The following GALNTL6 variants were observed in gnomAD, a reference collection of about 807,000 sequenced individuals.
GALNTL6 encodes polypeptide N-acetylgalactosaminyltransferase-like 6.
GALNTL6 carries 46 observed loss-of-function variants against 73.7 expected under a neutral mutation model. That is an observed-to-expected ratio of 0.62 (90% confidence interval 0.49 to 0.80). GALNTL6 has a LOEUF of 0.80. GALNTL6 is among the 30% of genes least tolerant of loss of function. The pLI, the probability that GALNTL6 is intolerant of heterozygous loss-of-function variation, is 0.00. For synonymous variants in GALNTL6, 259 were observed against 263.7 expected (o/e 0.98, Z 0.17); for missense variants, 604 against 755.0 (o/e 0.80, Z 2.34).
chr4:172,411,489 A>T lies in GALNTL6; in HGVS notation c.553+62800A>T, dbSNP rs150174456. On this transcript the variant is annotated intron_variant, in intron 5 of 12. Coordinates refer to ENST00000506823, the MANE Select transcript of GALNTL6 (RefSeq NM_001034845.3). Reference sequence around the variant, plus strand: ...TCCTTGAGTAATGATAATTGTGACTAAGTTTCCCACCTGAAAGAGGCTTTC... The same window carrying T: ...TCCTTGAGTAATGATAATTGTGACTTAGTTTCCCACCTGAAAGAGGCTTTC... Among the ~76,000 whole-genome samples the T allele has an allele frequency of 7.8e-4, 118 of 152,238 alleles. 1 individual carries two copies. In the South Asian group the frequency reaches 0.016, roughly 21 times the overall value.
intron 2 of GALNTL6, among the ~76,000 whole-genome samples, chr4:172,148,852 C>G (rs1733992600): frequency 6.6e-6 from 1 of 152,204 alleles, no homozygotes; most frequent in Non-Finnish European, 1.5e-5. Context: ...TTTAGAATTA[C>G]TTTACATAGT....
chr4:172,512,930 G>A (rs1198123475), intron 5 of GALNTL6, among the ~76,000 whole-genome samples: 3 of 151,992 alleles, frequency 2.0e-5, no homozygotes, highest in Admixed American at 6.6e-5. Flanking sequence ...TATTTGTCTA[G>A]TTGGTTATCT....
intron 10 of GALNTL6, among the ~76,000 whole-genome samples, chr4:172,967,252 A>G (rs753175188): frequency 6.6e-6 from 1 of 152,178 alleles, no homozygotes; most frequent in South Asian, 2.1e-4. Context: ...TAGAGCTTGC[A>G]TGGCTCTTTG....
chr4:171,851,845 G>C (rs76168827), intron 2 of GALNTL6, among the ~76,000 whole-genome samples: 3,797 of 152,222 alleles, frequency 0.025, 146 homozygotes, highest in East Asian at 0.11. Flanking sequence ...TTTCAAAAGA[G>C]CTTACTGCCA....
chr4:172,453,480 T>C, intron 5 of GALNTL6, among the ~76,000 whole-genome samples: 1 of 152,146 alleles, frequency 6.6e-6, no homozygotes, highest in Non-Finnish European at 1.5e-5. Flanking sequence ...TTACTTAGAG[T>C]TGCTACTAAT....
At chr4:171,904,605 C>A (rs1385867039) in intron 2 of GALNTL6, among the ~76,000 whole-genome samples, 8 of 152,196 alleles carry the variant, frequency 5.3e-5, no homozygotes, top group African/African-American at 1.7e-4. Flanking sequence ...CCCAATCTAG[C>A]AAGGCAGGCC....
intron 3 of GALNTL6, among the ~76,000 whole-genome samples, chr4:172,233,900 G>A (rs1410127955): frequency 2.0e-5 from 3 of 151,640 alleles, no homozygotes; most frequent in Non-Finnish European, 2.9e-5. Flanking sequence ...TCTATTCTAT[G>A]GTACATTATT....
In GALNTL6 at chr4:172,873,657, C is replaced by T. The variant is rs571665278; in HGVS notation, c.924-9133C>T. ...GAAACTTCTTTGTGGATAGGCTTGACCTAGAGGGGCAAATAAGGTGATGCT... is the reference window on the plus strand; with the variant it reads ...GAAACTTCTTTGTGGATAGGCTTGATCTAGAGGGGCAAATAAGGTGATGCT... On this transcript the variant is annotated intron_variant, in intron 7 of 12. Transcript: ENST00000506823. Among the ~76,000 whole-genome samples, 3 of 152,300 alleles carry T rather than the reference C, an allele frequency of 2.0e-5. No homozygotes were observed. In the South Asian group the frequency reaches 6.2e-4, roughly 32 times the overall value.
chr4:172,925,664 T>C (rs1172500864), intron 8 of GALNTL6, among the ~76,000 whole-genome samples: 4 of 152,180 alleles, frequency 2.6e-5, no homozygotes, highest in Non-Finnish European at 5.9e-5. Context: ...CTCAGTCCCA[T>C]AATTGCAAAC....
chr4:172,567,993 A>T (rs1367162366), intron 5 of GALNTL6, among the ~76,000 whole-genome samples: 1 of 152,190 alleles, frequency 6.6e-6, no homozygotes. Flanking sequence ...GTTGATATAG[A>T]TAACTAAAAA....
chr4:172,716,660 C>T (rs541188070), intron 5 of GALNTL6, among the ~76,000 whole-genome samples: 11 of 152,188 alleles, frequency 7.2e-5, no homozygotes, highest in African/African-American at 2.4e-4. Context: ...TGTTCTGTAC[C>T]GCATTAAGGA....
chr4:172,916,707 T>C (rs1402176485), intron 8 of GALNTL6, among the ~76,000 whole-genome samples: 1 of 152,160 alleles, frequency 6.6e-6, no homozygotes, highest in East Asian at 1.9e-4. Flanking sequence ...GAAGAACCGT[T>C]TCAAGGAGAA....
intron 3 of GALNTL6, among the ~76,000 whole-genome samples, chr4:172,308,143 T>C (rs915458822): frequency 1.3e-5 from 2 of 148,802 alleles, no homozygotes; most frequent in Non-Finnish European, 3.0e-5. Flanking sequence ...ACCGAAACTT[T>C]ACTGAATTCA....
chr4:172,296,892 T>C (rs1739696428), intron 3 of GALNTL6, among the ~76,000 whole-genome samples: 1 of 152,218 alleles, frequency 6.6e-6, no homozygotes, highest in South Asian at 2.1e-4. Flanking sequence ...ATGGGATTGC[T>C]GGGTCAAATG....
At chr4:172,303,278 G>T (rs554814646) in intron 3 of GALNTL6, among the ~76,000 whole-genome samples, 1 of 152,258 alleles carries the variant, frequency 6.6e-6, no homozygotes, top group African/African-American at 2.4e-5. Context: ...GATTACAGAC[G>T]TGAGCCACAG....
intron 2 of GALNTL6, among the ~76,000 whole-genome samples, chr4:171,883,904 C>T (rs1489026970): frequency 2.0e-5 from 3 of 152,114 alleles, no homozygotes; most frequent in Non-Finnish European, 4.4e-5. Context: ...GCCTCGGCCT[C>T]CCAAAGTGCT....
In GALNTL6 at chr4:172,428,054, A is replaced by G. The variant is rs180812005; in HGVS notation, c.553+79365A>G. Among the ~76,000 whole-genome samples, 3 of 152,214 alleles carry G rather than the reference A, an allele frequency of 2.0e-5. No homozygotes were observed. In the East Asian group the frequency reaches 5.8e-4, roughly 29 times the overall value. ...CAAAGACTTATTAAAGAAGTTGAGA[A>G]AGTTTGGCAGACAAATGCATTATGT... is the stretch of plus-strand genomic sequence containing the variant. On this transcript the variant is annotated intron_variant, in intron 5 of 12. Transcript: ENST00000506823.
At chr4:172,355,115 A>G (rs1463250661) in intron 5 of GALNTL6, among the ~76,000 whole-genome samples, 2 of 152,006 alleles carry the variant, frequency 1.3e-5, no homozygotes, top group Non-Finnish European at 2.9e-5. Flanking sequence ...TGCATTATGG[A>G]TTAGCTTTTA....
At position 172,914,364 on chromosome 4, in the gene GALNTL6, C is replaced by T. The variant is rs560334095; in HGVS notation, c.1042-16797C>T. Among the ~76,000 whole-genome samples the T allele has an allele frequency of 2.6e-4, 40 of 152,308 alleles. No homozygotes were observed. In the South Asian group the frequency reaches 4.6e-3, roughly 17 times the overall value. On this transcript the variant is annotated intron_variant, in intron 8 of 12. Coordinates refer to ENST00000506823, the MANE Select transcript of GALNTL6 (RefSeq NM_001034845.3). ...ACTAATGAGCAAAATAACCAGCTAA[C>T]GTCATAATGACAGGATCAAATTCAC...
Sources: allele counts gnomAD v4.1 joint callset (sites outside exome capture counted in the v4.1 genomes callset), GRCh38; gene constraint gnomAD v4.1.1; transcripts MANE v1.5; gene names NCBI Gene and HGNC (gene_info 2026-07-23, HGNC 2026-07-21).